The following TNNI3K variants were observed in gnomAD, a reference collection of about 807,000 sequenced individuals.
TNNI3K encodes the protein TNNI3 interacting kinase, also known as serine/threonine-protein kinase TNNI3K.
Under a neutral mutation model 114.5 loss-of-function variants are expected in TNNI3K, and 140 were observed. The observed-to-expected ratio is 1.22, with a 90% CI of 1.07 to 1.41. The LOEUF is 1.41. Ranked by LOEUF, TNNI3K falls within the 40% of genes most tolerant of loss-of-function variation. TNNI3K has a pLI of 0.00. For synonymous variants in TNNI3K, 347 were observed against 347.5 expected (o/e 1.00, Z 0.02); for missense variants, 1,125 against 1,007.6 (o/e 1.12, Z -1.58).
intron 21 of TNNI3K, among the ~76,000 whole-genome samples, chr1:74,466,937 AT>A (rs1432719449): frequency 6.6e-6 from 1 of 152,232 alleles, no homozygotes; most frequent in Non-Finnish European, 1.5e-5. Context: ...TTGAATAAAC[AT>A]TTTAATGATT....
intron 17 of TNNI3K, among the ~76,000 whole-genome samples, chr1:74,421,247 C>T (rs1183027183): frequency 1.3e-5 from 2 of 152,168 alleles, no homozygotes; most frequent in East Asian, 3.9e-4. Context: ...AAATCAAAAC[C>T]TTACTGACTT....
At chr1:74,252,204 G>A (rs1654970831) in intron 4 of TNNI3K, among the ~76,000 whole-genome samples, 1 of 152,170 alleles carries the variant, frequency 6.6e-6, no homozygotes, top group Non-Finnish European at 1.5e-5. Context: ...AATATTTAGA[G>A]AATATATTTC....
intron 20 of TNNI3K, among the ~76,000 whole-genome samples, chr1:74,457,514 A>G (rs1667275262): frequency 6.6e-6 from 1 of 152,174 alleles, no homozygotes; most frequent in South Asian, 2.1e-4. Context: ...ATTGTAGAAC[A>G]CATTTGCTTT....
chr1:74,286,077 G>A (rs1342942511), intron 5 of TNNI3K, among the ~76,000 whole-genome samples: 2 of 152,176 alleles, frequency 1.3e-5, no homozygotes, highest in African/African-American at 4.8e-5. Context: ...AGAGAAATCA[G>A]CAAAGACACA....
rs184201767 is a variant in TNNI3K at position 74,276,216 on chromosome 1, G to A, written c.444+4508G>A. ...TTAATCATTTAGAAACATACAAACGGCATTTAATGGACACATTTGGGTTTA... is the reference window on the plus strand; with the variant it reads ...TTAATCATTTAGAAACATACAAACGACATTTAATGGACACATTTGGGTTTA... On this transcript the variant is annotated intron_variant, in intron 5 of 24. Transcript: ENST00000326637. Among the ~76,000 whole-genome samples, 40 of 152,124 alleles carry A rather than the reference G, an allele frequency of 2.6e-4. 1 individual carries two copies. The East Asian group carries it at 6.2e-3, about 24-fold the overall frequency.
chr1:74,396,630 G>T (rs1380094175), intron 17 of TNNI3K, among the ~76,000 whole-genome samples: 1 of 152,158 alleles, frequency 6.6e-6, no homozygotes, highest in Non-Finnish European at 1.5e-5. Context: ...CCTGCCAGCT[G>T]AGCAGAAATT....
At chr1:74,285,291 G>A (rs1310608498) in intron 5 of TNNI3K, among the ~76,000 whole-genome samples, 1 of 152,164 alleles carries the variant, frequency 6.6e-6, no homozygotes, top group Non-Finnish European at 1.5e-5. Flanking sequence ...GGATTTAGTG[G>A]TGATAATCTA....
chr1:74,308,268 G>A (rs2100342612), intron 5 of TNNI3K, among the ~76,000 whole-genome samples: 1 of 152,092 alleles, frequency 6.6e-6, no homozygotes, highest in African/African-American at 2.4e-5. Flanking sequence ...TAGTCATAAA[G>A]CAAGTCTTAA....
chr1:74,255,400 C>T (rs1003379022), intron 4 of TNNI3K, among the ~76,000 whole-genome samples: 1 of 151,868 alleles, frequency 6.6e-6, no homozygotes, highest in African/African-American at 2.4e-5. Context: ...AATGTAACCC[C>T]GTAAGTCTCA....
intron 5 of TNNI3K, among the ~76,000 whole-genome samples, chr1:74,302,905 T>G (rs1175882347): frequency 6.6e-6 from 1 of 152,174 alleles, no homozygotes; most frequent in East Asian, 1.9e-4. Flanking sequence ...AAACAATTTT[T>G]AATGTAGATG....
chr1:74,454,242 T>C (rs928444728), intron 20 of TNNI3K, among the ~76,000 whole-genome samples: 1 of 152,184 alleles, frequency 6.6e-6, no homozygotes, highest in Non-Finnish European at 1.5e-5. Flanking sequence ...GTTCTTTAGT[T>C]GTTTTAAAAC....
chr1:74,319,405 C>T (rs1659487509), intron 5 of TNNI3K, among the ~76,000 whole-genome samples: 1 of 152,152 alleles, frequency 6.6e-6, no homozygotes, highest in Non-Finnish European at 1.5e-5. Context: ...TTAATTATGT[C>T]AACCCCAAAC....
chr1:74,406,182 T>A (rs1216184193), intron 17 of TNNI3K, among the ~76,000 whole-genome samples: 3 of 152,212 alleles, frequency 2.0e-5, no homozygotes, highest in East Asian at 1.9e-4. Flanking sequence ...TTTCTGGCTA[T>A]CAGCTGAAGG....
At chr1:74,371,109 T>G (rs1193126434) in intron 17 of TNNI3K, 1 of 151,864 alleles carries the variant, frequency 6.6e-6, no homozygotes, top group Non-Finnish European at 1.5e-5. Flanking sequence ...AAACACTGAT[T>G]TAGTTTATGA....
intron 5 of TNNI3K, among the ~76,000 whole-genome samples, chr1:74,310,523 A>C (rs1462147330): frequency 6.6e-6 from 1 of 152,180 alleles, no homozygotes; most frequent in Non-Finnish European, 1.5e-5. Context: ...AGCCTAAGCA[A>C]AAAAGAACAA....
At chr1:74,531,628 C>T (rs1325323503) in intron 23 of TNNI3K, among the ~76,000 whole-genome samples, 1 of 152,180 alleles carries the variant, frequency 6.6e-6, no homozygotes, top group East Asian at 1.9e-4. Context: ...GATTTATTAT[C>T]CTAGTGTAAA....
intron 5 of TNNI3K, among the ~76,000 whole-genome samples, chr1:74,305,247 C>CT (rs1658552260): frequency 6.6e-6 from 1 of 152,104 alleles, no homozygotes. Flanking sequence ...GAGGGGTTCT[C>CT]TAAGAGCCAG....
At chr1:74,332,976 A>AAAAAAAAGAG (rs57556485) in intron 6 of TNNI3K, among the ~76,000 whole-genome samples, 61 of 90,754 alleles carry the variant, frequency 6.7e-4, no homozygotes, top group Non-Finnish European at 1.1e-3. Flanking sequence ...AAAAAAAAAA[A>AAAAAAAAGAG]AGAGAGAGAC....
At chr1:74,507,223 A>ACCCCC (rs36051033) in intron 23 of TNNI3K, among the ~76,000 whole-genome samples, 1 of 120,328 alleles carries the variant, frequency 8.3e-6, no homozygotes, top group Non-Finnish European at 1.7e-5. Context: ...AAATTTCTTC[A>ACCCCC]CCCCCCCCCC....
Sources: gnomAD v4.1 joint callset for allele counts (sites outside exome capture counted in the v4.1 genomes callset) on GRCh38, gnomAD v4.1.1 for gene constraint, MANE v1.5 for transcripts, NCBI Gene and HGNC (gene_info 2026-07-23, HGNC 2026-07-21) for gene names.